ANO10: variants seen among roughly 807,000 people sequenced by gnomAD.
ANO10 encodes anoctamin-10.
In ANO10, 77 loss-of-function variants were observed where a neutral mutation model predicts 74.7. That is an observed-to-expected ratio of 1.03 (90% CI 0.86 to 1.25). The LOEUF (loss-of-function observed/expected upper bound fraction) is 1.25. Ranked by LOEUF, ANO10 falls within the 50% of genes most tolerant of loss-of-function variation. ANO10 has a pLI of 0.00. For missense variants in ANO10, 721 were observed against 778.1 expected (o/e 0.93, Z 0.87); for synonymous variants, 279 against 284.9 (o/e 0.98, Z 0.21).
At chr3:43,444,959 T>A (rs1455096126) in intron 11 of ANO10, among the ~76,000 whole-genome samples, 2 of 151,644 alleles carry the variant, frequency 1.3e-5, no homozygotes, top group African/African-American at 2.4e-5. Context: ...CCGTCTCTAC[T>A]AAAAATACAA....
intron 11 of ANO10, among the ~76,000 whole-genome samples, chr3:43,511,826 A>G (rs1052361013): frequency 6.6e-6 from 1 of 152,216 alleles, no homozygotes; most frequent in Non-Finnish European, 1.5e-5. Flanking sequence ...CTGTGGGGTA[A>G]GAGTGTAGAT....
intron 11 of ANO10, among the ~76,000 whole-genome samples, chr3:43,470,580 C>T (rs2075810924): frequency 1.3e-5 from 2 of 149,872 alleles, no homozygotes; most frequent in South Asian, 4.3e-4. Flanking sequence ...ATCTGCCTGC[C>T]TCGGCCTGGT....
intron 11 of ANO10, among the ~76,000 whole-genome samples, chr3:43,458,264 T>G (rs1428824789): frequency 6.6e-6 from 1 of 152,134 alleles, no homozygotes; most frequent in Non-Finnish European, 1.5e-5. Context: ...CACTGTGCAA[T>G]AAGATCCTTA....
intron 7 of ANO10, among the ~76,000 whole-genome samples, chr3:43,566,741 C>T (rs1378379603): frequency 2.6e-5 from 4 of 152,174 alleles, no homozygotes; most frequent in Admixed American, 6.5e-5. Flanking sequence ...GGGGAAAAAC[C>T]TGAACAGAAA....
intron 8 of ANO10, among the ~76,000 whole-genome samples, chr3:43,563,593 A>G (rs778387583): frequency 2.0e-5 from 3 of 152,188 alleles, no homozygotes; most frequent in Non-Finnish European, 4.4e-5. Flanking sequence ...AAGAAACAGA[A>G]TCAACCTCAG....
intron 1 of ANO10, chr3:43,690,258 C>G (rs1280647516): frequency 3.3e-5 from 5 of 152,166 alleles, no homozygotes; most frequent in African/African-American, 1.2e-4. Flanking sequence ...GGGGTTTCTT[C>G]AGCTCAGGCT....
chr3:43,424,012 G>A (rs4510359), intron 12 of ANO10, among the ~76,000 whole-genome samples: 136,006 of 152,166 alleles, frequency 0.89, 61,401 homozygotes, highest in Non-Finnish European at 0.96. Flanking sequence ...TTCACCCAGC[G>A]AATGCATGAG....
intron 9 of ANO10, among the ~76,000 whole-genome samples, chr3:43,555,744 C>T (rs1018190707): frequency 1.1e-4 from 16 of 152,120 alleles, no homozygotes; most frequent in Non-Finnish European, 2.2e-4. Flanking sequence ...TTATTATTAT[C>T]GCATCTCTGA....
intron 11 of ANO10, among the ~76,000 whole-genome samples, chr3:43,472,890 AT>A (rs2075919498): frequency 6.6e-6 from 1 of 152,180 alleles, no homozygotes; most frequent in Admixed American, 6.5e-5. Context: ...CAAGAAGTTC[AT>A]TTTTTAAAAA....
chr3:43,607,327 C>A (rs1388835534), intron 1 of ANO10, among the ~76,000 whole-genome samples: 1 of 150,078 alleles, frequency 6.7e-6, no homozygotes, highest in African/African-American at 2.5e-5. Flanking sequence ...CATAGCAAGA[C>A]CCTGTCTAAA....
chr3:43,438,798 A>C (rs897770430), intron 11 of ANO10, among the ~76,000 whole-genome samples: 15 of 152,100 alleles, frequency 9.9e-5, no homozygotes, highest in Non-Finnish European at 1.3e-4. Context: ...TTGAACAAGC[A>C]GAAAAAAAGA....
intron 11 of ANO10, among the ~76,000 whole-genome samples, chr3:43,460,514 A>G (rs2075330727): frequency 6.6e-6 from 1 of 152,198 alleles, no homozygotes; most frequent in Non-Finnish European, 1.5e-5. Flanking sequence ...TGGGCAGTGT[A>G]TTCTGCACCC....
At chr3:43,593,292 C>G (rs187427374) in intron 4 of ANO10, among the ~76,000 whole-genome samples, 1 of 152,236 alleles carries the variant, frequency 6.6e-6, no homozygotes, top group South Asian at 2.1e-4. Context: ...AGAGCAACTC[C>G]AAGACACATA....
At chr3:43,690,928 G>T in intron 1 of ANO10, 1 of 1,514,410 alleles carries the variant, frequency 6.6e-7, no homozygotes, top group Admixed American at 2.1e-5. Context: ...GCGCCAGCCC[G>T]GGGCGGCCCA....
At chr3:43,425,129 A>G (rs948415377) in intron 12 of ANO10, among the ~76,000 whole-genome samples, 6 of 151,954 alleles carry the variant, frequency 3.9e-5, no homozygotes, top group South Asian at 4.1e-4. Flanking sequence ...ATAGTCAAAT[A>G]CTTTAGCACC....
chr3:43,543,349 C>A (rs2149285359), intron 11 of ANO10, among the ~76,000 whole-genome samples: 1 of 152,320 alleles, frequency 6.6e-6, no homozygotes, highest in African/African-American at 2.4e-5. Context: ...TCAGAGGATA[C>A]TTCTGGTATT....
intron 5 of ANO10, among the ~76,000 whole-genome samples, chr3:43,578,099 T>A (rs907264547): frequency 8.5e-5 from 13 of 152,300 alleles, no homozygotes; most frequent in African/African-American, 3.1e-4. Flanking sequence ...ACAGTTAACA[T>A]ATTTTTCTTA....
Position 43,479,051 on chromosome 3 carries a change from G to A in ANO10, c.1798-46324C>T, listed in dbSNP as rs138033674. On this transcript the variant is annotated intron_variant, in intron 11 of 12. Coordinates refer to ENST00000292246, the MANE Select transcript of ANO10 (RefSeq NM_018075.5). ...TTAATCAAGGTTCCCTGATCCTTTT[G>A]TTTAATAACAGAAAAGAGGCACTAC... Among the ~76,000 whole-genome samples the A allele has an allele frequency of 3.1e-3, 479 of 152,250 alleles. 4 individuals carry two copies. The highest frequency in any genetic ancestry group is 0.011 in the African/African-American group (455 of 41,546).
At chr3:43,534,710 G>A (rs2078627992) in intron 11 of ANO10, among the ~76,000 whole-genome samples, 1 of 152,214 alleles carries the variant, frequency 6.6e-6, no homozygotes, top group Non-Finnish European at 1.5e-5. Flanking sequence ...GTAAGGCAGT[G>A]GAGCATGACA....
Sources: allele counts gnomAD v4.1 joint callset (sites outside exome capture counted in the v4.1 genomes callset), GRCh38; gene constraint gnomAD v4.1.1; transcripts MANE v1.5; gene names NCBI Gene and HGNC (gene_info 2026-07-23, HGNC 2026-07-21).